NOA1: variants seen among roughly 807,000 people sequenced by gnomAD.
NOA1 encodes nitric oxide associated 1.
In NOA1, 35 loss-of-function variants were observed where a neutral mutation model predicts 58.4. That is an observed-to-expected ratio of 0.60 (90% CI 0.46 to 0.79). NOA1 has a LOEUF of 0.79. NOA1 is among the 30% of genes least tolerant of loss of function. The pLI, the probability that NOA1 is intolerant of heterozygous loss-of-function variation, is 0.00. For synonymous variants in NOA1, 397 were observed against 373.4 expected (o/e 1.06, Z -0.73); for missense variants, 895 against 894.6 (o/e 1.00, Z -0.01).
At chr4:56,970,130 C>A (rs1194583128) in intron 3 of NOA1, among the ~76,000 whole-genome samples, 1 of 151,918 alleles carries the variant, frequency 6.6e-6, no homozygotes, top group Non-Finnish European at 1.5e-5. Flanking sequence ...CAAAACCTCA[C>A]CTCTATGAAA....
At position 56,963,515 on chromosome 4, in the gene NOA1, T is replaced by C; in HGVS notation, c.2032A>G (p.Lys678Glu). 2 of 1,614,166 alleles carry C rather than the reference T, an allele frequency of 1.2e-6. No individual in the cohort carries two copies. Among genetic ancestry groups the C allele is most frequent in the Non-Finnish European group, 1.7e-6 (2 of 1,180,030 alleles). ...GQRIKKSVAY[K>E]TKKPPSLMYN... ...ATAAGGGAAGGAGGCTTCTTGGTTT[T>C]ATAGGCCACACTTTTCTTGATGCGC... The change falls in exon 7 of 7, where the codon AAA becomes GAA. Residue 678 changes from lysine (K) to glutamate (E), a missense_variant. Coordinates refer to ENST00000264230, the MANE Select transcript of NOA1 (RefSeq NM_032313.4).
At chr4:56,965,610 T>C (rs923131995) in intron 5 of NOA1, among the ~76,000 whole-genome samples, 3 of 151,916 alleles carry the variant, frequency 2.0e-5, no homozygotes, top group African/African-American at 7.3e-5. Context: ...GGTGGAAAGA[T>C]ATTTTCGGTC....
chr4:56,967,987 A>G (rs1324152988), intron 4 of NOA1, among the ~76,000 whole-genome samples: 1 of 149,576 alleles, frequency 6.7e-6, no homozygotes, highest in Non-Finnish European at 1.5e-5. Flanking sequence ...GTGCAATTTC[A>G]GCTCACTGCA....
intron 3 of NOA1, among the ~76,000 whole-genome samples, chr4:56,968,940 T>G (rs568653662): frequency 7.2e-5 from 11 of 152,224 alleles, no homozygotes; most frequent in Non-Finnish European, 1.3e-4. Context: ...TAAGTATGCA[T>G]GCATTAAATG....
In NOA1 at chr4:56,966,765, G is replaced by A. The variant is rs796531567; in HGVS notation, c.1648-29C>T. On this transcript the variant is annotated intron_variant, in intron 4 of 6. Coordinates refer to ENST00000264230, the MANE Select transcript of NOA1 (RefSeq NM_032313.4). ...AAGAAAGGAAGAAGTTATCTGACCT[G>A]GTGAAAAACTTGGAAAACCTGCATA... 4 of 1,461,284 alleles carry A rather than the reference G, an allele frequency of 2.7e-6. No homozygotes were observed. In the African/African-American group the frequency reaches 4.2e-5, roughly 15 times the overall value. 90.5% of individuals were successfully genotyped at this position (1,461,284 alleles called of 1,614,324 possible).
chr4:56,976,904 C>A lies in NOA1; in HGVS notation c.682G>T (p.Asp228Tyr), dbSNP rs900467970. 6 of 1,612,352 alleles carry A rather than the reference C, an allele frequency of 3.7e-6. No homozygotes were observed. Among genetic ancestry groups the A allele is most frequent in the Non-Finnish European group, 5.1e-6 (6 of 1,179,800 alleles). ...GCGGGCAAGTCGGGCAGCAGGGCGT[C>A]GGGCAGGTCCAGCAGGTCCACCATG... ...LYMVDLLDLP[D>Y]ALLPDLPALV... Residue 228 changes from aspartate to tyrosine, a missense_variant, in exon 1 of 7, where the codon GAC (aspartate) becomes TAC (tyrosine). Coordinates refer to ENST00000264230, the MANE Select transcript of NOA1 (RefSeq NM_032313.4).
In NOA1 at chr4:56,977,436, G is replaced by A. The variant is rs745601727; in HGVS notation, c.150C>T (p.Arg50=). ...SSFQHSSSLG[R]ELPYDPVDTE... ...TGTCCACGGGGTCATAAGGAAGCTC[G>A]CGTCCCAGACTCGATGAGTGCTGGA... is the stretch of plus-strand genomic sequence containing the variant. Residue 50 remains arginine, a synonymous_variant, in exon 1 of 7, where the codon CGC becomes CGT. Coordinates refer to ENST00000264230, the MANE Select transcript of NOA1 (RefSeq NM_032313.4). 3.1e-6 allele frequency: 5 copies of A among 1,614,194 alleles called. No homozygotes were observed. In the East Asian group the frequency reaches 6.7e-5, roughly 22 times the overall value.
In NOA1 at chr4:56,976,494, G is replaced by T. The variant is rs1460747441; in HGVS notation, c.1092C>A (p.Cys364Ter). 6.2e-7 allele frequency: 1 copy of T among 1,614,236 alleles called. No homozygotes were observed. The highest frequency in any genetic ancestry group is 2.2e-5 in the East Asian group (1 of 44,886). The change falls in exon 1 of 7, where the codon TGC becomes TGA. Residue 364 changes from cysteine to a stop codon, truncating the protein, a stop_gained. Transcript: ENST00000264230. LOFTEE classifies it high-confidence loss of function. ...CGATGGCCTCGGAGCCCTTGGCAGT[G>T]CAGTAATCGGACTCCAGGAGCGTGT... Reference protein sequence around the residue: ...LFNTLLESDYCTAKGSEAIDR... With the variant: ...LFNTLLESDY
At chr4:56,974,400 C>G (rs1001657776) in intron 1 of NOA1, among the ~76,000 whole-genome samples, 4 of 152,112 alleles carry the variant, frequency 2.6e-5, no homozygotes, top group Non-Finnish European at 5.9e-5. Flanking sequence ...ACCTGTAATC[C>G]CAGCACTTTG....
In NOA1 at chr4:56,977,558, G is replaced by C. The variant is rs1721978639; in HGVS notation, c.28C>G (p.Leu10Val). The C allele has an allele frequency of 6.2e-7, 1 of 1,604,004 alleles. No homozygotes were observed. The highest frequency in any genetic ancestry group is 1.7e-5 in the Admixed American group (1 of 58,604). Residue 10 changes from leucine to valine, a missense_variant, in exon 1 of 7, where the codon CTG becomes GTG. Coordinates refer to ENST00000264230, the MANE Select transcript of NOA1 (RefSeq NM_032313.4). MLPARLPFR[L>V]LSLFLRGSAP... ...GATCCACGAAGGAAAAGGCTCAGCA[G>C]CCTGAACGGTAGGCGAGCGGGCAGC...
chr4:56,968,274 C>A (rs375700619), intron 4 of NOA1, 110 bp downstream of exon 4: 2 of 1,171,342 alleles, frequency 1.7e-6, no homozygotes, highest in East Asian at 2.5e-5. Context: ...AAACCCAATA[C>A]AATCATGGCT....
At position 56,977,602 on chromosome 4, in the gene NOA1, A is replaced by AG. The variant is rs775777916; in HGVS notation, c.-18dup. 2 of 1,544,040 alleles carry AG rather than the reference A, an allele frequency of 1.3e-6. No homozygotes were observed. The highest frequency in any genetic ancestry group is 1.7e-6 in the Non-Finnish European group (2 of 1,143,444). On this transcript the variant is annotated 5_prime_UTR_variant, in exon 1 of 7. Coordinates refer to ENST00000264230, the MANE Select transcript of NOA1 (RefSeq NM_032313.4). ...GGGCAGCATGAGGAAGTAGCTCCAA[A>AG]GGGGCGGAGCCACCAGCGCGCACGC...
chr4:56,965,476 T>C (rs1721683948), intron 5 of NOA1, among the ~76,000 whole-genome samples: 1 of 152,114 alleles, frequency 6.6e-6, no homozygotes, highest in East Asian at 1.9e-4. Flanking sequence ...ATAAGTACTA[T>C]GGTTGTGAAG....
chr4:56,964,379 T>C, intron 6 of NOA1, 27 bp downstream of exon 6: 1 of 1,613,592 alleles, frequency 6.2e-7, no homozygotes, highest in East Asian at 2.2e-5. Context: ...TTATTCACTT[T>C]TTAAAAAGTG....
At chr4:56,974,299 C>G (rs1721859013) in intron 1 of NOA1, among the ~76,000 whole-genome samples, 1 of 152,148 alleles carries the variant, frequency 6.6e-6, no homozygotes, top group Non-Finnish European at 1.5e-5. Context: ...AGAAGAGCAG[C>G]TTACTAAATG....
intron 3 of NOA1, among the ~76,000 whole-genome samples, chr4:56,971,477 G>T (rs1721810114): frequency 1.3e-5 from 2 of 152,104 alleles, no homozygotes; most frequent in African/African-American, 2.4e-5. Context: ...AATTTAAAAG[G>T]TGTGTATGAT....
intron 3 of NOA1, among the ~76,000 whole-genome samples, chr4:56,970,604 G>C (rs1329564360): frequency 6.6e-6 from 1 of 151,858 alleles, no homozygotes; most frequent in Non-Finnish European, 1.5e-5. Flanking sequence ...GGGATTACAG[G>C]CATGTACCAC....
intron 5 of NOA1, among the ~76,000 whole-genome samples, chr4:56,965,513 A>G (rs1161025884): frequency 6.6e-6 from 1 of 152,200 alleles, no homozygotes; most frequent in East Asian, 1.9e-4. Flanking sequence ...TGTTCAGTCA[A>G]GGAAAACATT....
intron 2 of NOA1, 57 bp downstream of exon 2, chr4:56,973,801 C>A: frequency 1.3e-6 from 2 of 1,561,756 alleles, no homozygotes; most frequent in Non-Finnish European, 1.7e-6. Context: ...TTTCAGGTTG[C>A]TTAACAAAGA....
Sources: allele counts gnomAD v4.1 joint callset (sites outside exome capture counted in the v4.1 genomes callset), GRCh38; gene constraint gnomAD v4.1.1; transcripts MANE v1.5; gene names NCBI Gene and HGNC (gene_info 2026-07-23, HGNC 2026-07-21).